The following NTM variants were observed in gnomAD, a reference collection of about 807,000 sequenced individuals.
NTM encodes the protein IgLON family member 2.
Under a neutral mutation model 42.1 loss-of-function variants are expected in NTM, and 13 were observed. That is an observed-to-expected ratio of 0.31 (90% CI 0.20 to 0.49). The LOEUF (loss-of-function observed/expected upper bound fraction) is 0.49, where lower values mean the gene tolerates loss of function less well. NTM is among the 20% of genes least tolerant of loss of function. NTM has a pLI of 0.99. For missense variants in NTM, 373 were observed against 452.8 expected (o/e 0.82, Z 1.60); for synonymous variants, 187 against 179.2 (o/e 1.04, Z -0.35).
chr11:132,104,935 A>ATGTGTGTGTGTATG (rs202203556), intron 2 of NTM, among the ~76,000 whole-genome samples: 2 of 20,002 alleles, frequency 1.0e-4, no homozygotes, highest in African/African-American at 3.8e-4. Flanking sequence ...ATATATACAT[A>ATGTGTGTGTGTATG]TGTATATATA....
intron 4 of NTM, among the ~76,000 whole-genome samples, chr11:132,243,494 C>G (rs548816432): frequency 8.5e-5 from 13 of 152,160 alleles, no homozygotes; most frequent in Non-Finnish European, 1.6e-4. Flanking sequence ...TGCAGAATCC[C>G]TCTGCAGCAG....
rs147281578 is a variant in NTM at position 132,176,229 on chromosome 11, A to T, written c.400+29715A>T. Among the ~76,000 whole-genome samples, 356 of 152,238 alleles carry T rather than the reference A, an allele frequency of 2.3e-3. 2 individuals are homozygous for T. Among genetic ancestry groups the T allele is most frequent in the African/African-American group, 8.2e-3 (342 of 41,532 alleles). ...ACACACAGCTCCTCATTCCAGAGGG[A>T]CAGGTAGTCAGATACAGTTTGTTGG... On this transcript the variant is annotated intron_variant, in intron 3 of 8. Coordinates refer to ENST00000683400, the MANE Select transcript of NTM (RefSeq NM_001352005.2).
chr11:131,691,471 C>T (rs2074702691), intron 1 of NTM, among the ~76,000 whole-genome samples: 1 of 152,220 alleles, frequency 6.6e-6, no homozygotes, highest in Admixed American at 6.5e-5. Flanking sequence ...CGTGGGCAGG[C>T]GTGGACCCCA....
At chr11:131,497,199 A>AT (rs1260839541) in intron 1 of NTM, among the ~76,000 whole-genome samples, 1 of 151,660 alleles carries the variant, frequency 6.6e-6, no homozygotes, top group African/African-American at 2.4e-5. Flanking sequence ...TTATTTATTT[A>AT]TTTTTTCAAG....
At chr11:131,906,162 T>C (rs1478513895) in intron 1 of NTM, among the ~76,000 whole-genome samples, 1 of 152,154 alleles carries the variant, frequency 6.6e-6, no homozygotes, top group Non-Finnish European at 1.5e-5. Flanking sequence ...GCTTGCTGGT[T>C]GATTAACTAA....
intron 1 of NTM, among the ~76,000 whole-genome samples, chr11:131,779,921 A>T (rs896361383): frequency 6.6e-6 from 1 of 152,182 alleles, no homozygotes; most frequent in Non-Finnish European, 1.5e-5. Flanking sequence ...AGTGTCATCC[A>T]AGGGGGAACA....
chr11:131,678,659 T>C (rs1292772118), intron 1 of NTM, among the ~76,000 whole-genome samples: 4 of 152,234 alleles, frequency 2.6e-5, no homozygotes, highest in Non-Finnish European at 5.9e-5. Context: ...TCCTTCTCTC[T>C]CTCTTCCTCT....
At chr11:131,910,383 G>A (rs2054547139) in intron 1 of NTM, among the ~76,000 whole-genome samples, 1 of 152,078 alleles carries the variant, frequency 6.6e-6, no homozygotes, top group African/African-American at 2.4e-5. Context: ...ATTTGGAAGC[G>A]CGTAAATGGT....
chr11:131,574,352 C>T (rs1393746402), intron 1 of NTM, among the ~76,000 whole-genome samples: 1 of 152,156 alleles, frequency 6.6e-6, no homozygotes, highest in African/African-American at 2.4e-5. Context: ...AGGTGCCCCA[C>T]TCCCTTTAAT....
At chr11:132,188,042 C>A (rs1020087376) in intron 3 of NTM, among the ~76,000 whole-genome samples, 1 of 152,120 alleles carries the variant, frequency 6.6e-6, no homozygotes. Flanking sequence ...TGACTTTACC[C>A]TCCAGGGAAC....
chr11:132,225,023 A>G (rs2085919054), intron 4 of NTM, among the ~76,000 whole-genome samples: 2 of 152,256 alleles, frequency 1.3e-5, no homozygotes, highest in South Asian at 4.1e-4. Flanking sequence ...TTCTACAAAA[A>G]TGATCATAAC....
intron 1 of NTM, among the ~76,000 whole-genome samples, chr11:131,801,403 A>T (rs1285815283): frequency 2.0e-5 from 3 of 152,056 alleles, no homozygotes; most frequent in Non-Finnish European, 4.4e-5. Flanking sequence ...GGGCCCACTC[A>T]TTCACTCCCA....
chr11:131,730,555 G>GA (rs906940480), intron 1 of NTM, among the ~76,000 whole-genome samples: 29 of 151,812 alleles, frequency 1.9e-4, no homozygotes, highest in African/African-American at 4.3e-4. Flanking sequence ...CTGGTCTTTA[G>GA]AAAAAAAATT....
intron 6 of NTM, among the ~76,000 whole-genome samples, chr11:132,310,763 A>G (rs1040212643): frequency 2.1e-4 from 32 of 152,160 alleles, no homozygotes; most frequent in Non-Finnish European, 2.9e-5. Flanking sequence ...AGGAGAAAAG[A>G]GAAGGGACTA....
chr11:132,334,912 G>T (rs1227778410), intron 8 of NTM, 134 bp from the exon 9 acceptor site: 3 of 1,422,152 alleles, frequency 2.1e-6, no homozygotes, highest in Non-Finnish European at 2.8e-6. Flanking sequence ...TAATGCTGGG[G>T]CTGGAACACC....
chr11:132,283,297 T>C (rs2094078213), intron 4 of NTM, among the ~76,000 whole-genome samples: 1 of 152,112 alleles, frequency 6.6e-6, no homozygotes, highest in Non-Finnish European at 1.5e-5. Context: ...CAGGGGCAAT[T>C]TCTGTCATAT....
At chr11:132,117,347 A>C (rs1382378450) in intron 2 of NTM, among the ~76,000 whole-genome samples, 4 of 152,228 alleles carry the variant, frequency 2.6e-5, no homozygotes, top group East Asian at 3.9e-4. Context: ...TTCAGACTGG[A>C]AACTCTGAGC....
intron 1 of NTM, among the ~76,000 whole-genome samples, chr11:131,812,183 CCTCTCTCT>C (rs145003478): frequency 2.4e-4 from 34 of 143,044 alleles, no homozygotes; most frequent in African/African-American, 8.3e-4. Flanking sequence ...AATTAGTCAG[CCTCTCTCT>C]CTCTCTCTCT....
chr11:131,825,539 G>A (rs957688172), intron 1 of NTM, among the ~76,000 whole-genome samples: 9 of 152,068 alleles, frequency 5.9e-5, no homozygotes, highest in Admixed American at 6.6e-5. Context: ...AGATGCCATG[G>A]TCAAATTTTC....
Sources: gnomAD v4.1 joint callset for allele counts (sites outside exome capture counted in the v4.1 genomes callset) on GRCh38, gnomAD v4.1.1 for gene constraint, MANE v1.5 for transcripts, NCBI Gene and HGNC (gene_info 2026-07-23, HGNC 2026-07-21) for gene names.